Variants in LY6S observed in about 807,000 individuals in gnomAD.
LY6S encodes lymphocyte antigen 6 family member S.
chr8:143,071,567 C>T, the LY6S span, among the ~76,000 whole-genome samples: 1 of 152,148 alleles, frequency 6.6e-6, no homozygotes, highest in Admixed American at 6.5e-5. Context: ...GCAGGATACA[C>T]GGGAACCCTC....
chr8:143,048,808 C>G, the LY6S span, among the ~76,000 whole-genome samples: 1 of 152,088 alleles, frequency 6.6e-6, no homozygotes, highest in Non-Finnish European at 1.5e-5. Context: ...GTGCGCTGTC[C>G]CTCCAGACCT....
At chr8:143,044,495 C>G in the LY6S span, among the ~76,000 whole-genome samples, 1,540 of 152,230 alleles carry the variant, frequency 0.01, 20 homozygotes, top group African/African-American at 0.035. Context: ...CCCTGCCGCT[C>G]TTCCACCCTT....
chr8:143,041,964 C>A, the LY6S span, among the ~76,000 whole-genome samples: 2 of 336 alleles, frequency 6.0e-3, no homozygotes, highest in African/African-American at 0.05. Flanking sequence ...CAGGCTGAGA[C>A]GGCCGTCCAC....
the LY6S span, among the ~76,000 whole-genome samples, chr8:143,071,776 G>A: frequency 2.6e-5 from 4 of 152,136 alleles, no homozygotes; most frequent in African/African-American, 9.7e-5. Flanking sequence ...CTACGCACGT[G>A]CCCGGCTTCA....
At chr8:143,073,469 G>A in the LY6S span, among the ~76,000 whole-genome samples, 1 of 148,486 alleles carries the variant, frequency 6.7e-6, no homozygotes. Context: ...GTCGTCCCCG[G>A]GGCTCCTGTT....
chr8:143,051,611 G>A, the LY6S span, among the ~76,000 whole-genome samples: 3 of 152,086 alleles, frequency 2.0e-5, no homozygotes, highest in Admixed American at 1.3e-4. Context: ...AACACCTGAA[G>A]GTTAGTGGCT....
chr8:143,065,198 A>C, the LY6S span, among the ~76,000 whole-genome samples: 1 of 152,156 alleles, frequency 6.6e-6, no homozygotes, highest in Non-Finnish European at 1.5e-5. Context: ...TGAGAGGAAG[A>C]CAGAAGCCCT....
At chr8:143,066,614 C>G in the LY6S span, 4 of 217,238 alleles carry the variant, frequency 1.8e-5, no homozygotes, top group South Asian at 2.7e-4. Context: ...GGAAAGAGGA[C>G]AGTTGTTCCT....
chr8:143,057,092 G>A, the LY6S span: 8 of 306,074 alleles, frequency 2.6e-5, 1 homozygote, highest in South Asian at 3.5e-4. Flanking sequence ...TGGCTTGTTT[G>A]TGCAACTTTA....
At chr8:143,057,767 AG>A in the LY6S span, 1 of 785,548 alleles carries the variant, frequency 1.3e-6, no homozygotes, top group Non-Finnish European at 2.3e-6. Context: ...AGCTCTATCT[AG>A]GGCTTCTGCC....
chr8:143,044,959 A>G, the LY6S span: 2 of 692,682 alleles, frequency 2.9e-6, no homozygotes, highest in Non-Finnish European at 4.1e-6. Context: ...CCTGCCTGCA[A>G]CTGGCAGCCT....
At chr8:143,064,184 C>A in the LY6S span, among the ~76,000 whole-genome samples, 8 of 152,270 alleles carry the variant, frequency 5.3e-5, no homozygotes, top group East Asian at 1.5e-3. Flanking sequence ...GTTTGTCTAG[C>A]GGCTTTACCA....
chr8:143,043,379 C>CG, the LY6S span: 1 of 613,856 alleles, frequency 1.6e-6, no homozygotes, highest in South Asian at 1.8e-5. Flanking sequence ...GGCCCTGCCC[C>CG]GGGGCCTCAG....
chr8:143,072,888 C>T, the LY6S span, among the ~76,000 whole-genome samples: 5 of 68,076 alleles, frequency 7.3e-5, no homozygotes, highest in African/African-American at 2.3e-4. Context: ...GCCGTCGTCC[C>T]CGGGGTCCCT....
the LY6S span, chr8:143,053,112 A>G: frequency 1.3e-5 from 2 of 152,178 alleles, no homozygotes; most frequent in Non-Finnish European, 2.9e-5. Context: ...CTTCTTCCTA[A>G]ATGGAAGGGA....
the LY6S span, chr8:143,059,676 TGGCTG>T: frequency 1.3e-5 from 2 of 152,184 alleles, no homozygotes; most frequent in Non-Finnish European, 2.9e-5. Context: ...ATATGTTGCC[TGGCTG>T]GTCTTGAACT....
the LY6S span, among the ~76,000 whole-genome samples, chr8:143,076,404 A>C: frequency 6.6e-6 from 1 of 152,104 alleles, no homozygotes; most frequent in Non-Finnish European, 1.5e-5. Context: ...ACGCCCAGAC[A>C]CCTATCCCCA....
the LY6S span, chr8:143,065,783 T>TTCTCTTTCTTTCTTTCTC: frequency 8.7e-6 from 1 of 115,224 alleles, no homozygotes; most frequent in Admixed American, 9.0e-5. Flanking sequence ...CTTTCTTTCT[T>TTCTCTTTCTTTCTTTCTC]TTTCTTTCTT....
chr8:143,055,695 C>T, the LY6S span, among the ~76,000 whole-genome samples: 1 of 152,200 alleles, frequency 6.6e-6, no homozygotes, highest in African/African-American at 2.4e-5. Flanking sequence ...GCGCTTGTTT[C>T]ATTTGACTTG....
Sources: allele counts gnomAD v4.1 joint callset (sites outside exome capture counted in the v4.1 genomes callset), GRCh38; gene constraint gnomAD v4.1.1; transcripts MANE v1.5; gene names NCBI Gene and HGNC (gene_info 2026-07-23, HGNC 2026-07-21).